Variants in ITIH5 observed in about 807,000 individuals in gnomAD.
The protein encoded by ITIH5 is inter-alpha-trypsin inhibitor heavy chain H5.
Under a neutral mutation model 77.5 loss-of-function variants are expected in ITIH5, and 65 were observed. The ratio of observed to expected loss-of-function variants is 0.84; its 90% CI spans 0.69 to 1.03. The LOEUF (loss-of-function observed/expected upper bound fraction) is 1.03, where lower values mean the gene tolerates loss of function less well. Among genes scored for constraint, ITIH5 ranks in the 50% least tolerant of loss-of-function variants. The pLI is 0.00. For synonymous variants in ITIH5, 525 were observed against 494.3 expected, an observed-to-expected ratio of 1.06 and a Z score of -0.82; for missense variants, 1,208 against 1,213.1, an observed-to-expected ratio of 1.00 and a Z score of 0.06.
At chr10:7,598,100 C>T (rs1048329391) in intron 7 of ITIH5, among the ~76,000 whole-genome samples, 12 of 152,124 alleles carry the variant, frequency 7.9e-5, no homozygotes, top group Non-Finnish European at 1.6e-4. Flanking sequence ...GTGTAAGTAA[C>T]ACTTCAGGGG....
At chr10:7,607,476 T>C (rs1487633152) in intron 7 of ITIH5, among the ~76,000 whole-genome samples, 1 of 152,162 alleles carries the variant, frequency 6.6e-6, no homozygotes, top group Non-Finnish European at 1.5e-5. Context: ...TGAGACCCTG[T>C]CTCTACAGAA....
At chr10:7,607,468 A>C (rs997501768) in intron 7 of ITIH5, among the ~76,000 whole-genome samples, 1 of 152,226 alleles carries the variant, frequency 6.6e-6, no homozygotes. Flanking sequence ...TAACATAGTG[A>C]GACCCTGTCT....
At position 7,640,209 on chromosome 10, in the gene ITIH5, T is replaced by C. The variant is rs116176509; in HGVS notation, c.401+545A>G. ...CAGGCATAGTGGCTCACACCTGTAA[T>C]CCTGTAATCCCAGTACTTTGAGAGG... On this transcript the variant is annotated intron_variant, in intron 4 of 13. Coordinates refer to ENST00000397146, the MANE Select transcript of ITIH5 (RefSeq NM_030569.7). Among the ~76,000 whole-genome samples the C allele has an allele frequency of 2.5e-3, 359 of 143,222 alleles. 1 individual carries two copies. Among genetic ancestry groups the C allele is most frequent in the African/African-American group, 8.9e-3 (342 of 38,410 alleles). The allele number at this position is 143,222 out of a possible 152,430, so 94.0% of individuals were successfully genotyped here.
intron 4 of ITIH5, 59 bp downstream of exon 4, chr10:7,640,695 T>C (rs966751061): frequency 2.7e-5 from 29 of 1,058,358 alleles, no homozygotes; most frequent in Non-Finnish European, 3.7e-5. Context: ...GGCAAAGGCA[T>C]AGAAAATGTG....
intron 5 of ITIH5, chr10:7,619,689 G>C: frequency 4.3e-6 from 1 of 230,314 alleles, no homozygotes; most frequent in Admixed American, 4.5e-5. Flanking sequence ...ACTGGGAAGC[G>C]CCGGACTTTT....
At chr10:7,625,802 A>C (rs1211920581) in intron 5 of ITIH5, among the ~76,000 whole-genome samples, 1 of 152,038 alleles carries the variant, frequency 6.6e-6, no homozygotes, top group African/African-American at 2.4e-5. Context: ...AGAAAAAGAA[A>C]AAGAAATGGC....
intron 7 of ITIH5, among the ~76,000 whole-genome samples, chr10:7,611,592 T>C (rs1833245366): frequency 6.6e-6 from 1 of 152,226 alleles, no homozygotes; most frequent in Non-Finnish European, 1.5e-5. Context: ...TTGATGGTTT[T>C]TTCATAATTT....
chr10:7,600,632 T>A, intron 7 of ITIH5: 1 of 455,646 alleles, frequency 2.2e-6, no homozygotes, highest in Non-Finnish European at 4.4e-6. Context: ...AACATCCTTC[T>A]TCAAGCTAAG....
At position 7,585,981 on chromosome 10, in the gene ITIH5, C is replaced by T. The variant is rs1228259870; in HGVS notation, c.1028G>A (p.Trp343Ter). Reference protein sequence around the residue: ...IIGFSNRIKVWKDHLISVTPD... With the variant: ...IIGFSNRIKV The stretch of plus-strand genomic sequence containing the variant: ...AGTGACTGATATCAAGTGGTCCTTC[C>T]ATACTTTGATCCGGTTGGAAAATCC... Residue 343 changes from tryptophan (W) to a stop codon, truncating the protein, a stop_gained, in exon 8 of 14, where the codon TGG becomes TAG. Transcript: ENST00000397146. LOFTEE classifies it high-confidence loss of function. 5 of 1,614,104 alleles carry T rather than the reference C, an allele frequency of 3.1e-6. No homozygotes were observed. Among genetic ancestry groups the T allele is most frequent in the Admixed American group, 1.7e-5 (1 of 60,014 alleles).
At chr10:7,632,024 C>T (rs546483843) in intron 5 of ITIH5, among the ~76,000 whole-genome samples, 35 of 151,328 alleles carry the variant, frequency 2.3e-4, no homozygotes, top group Non-Finnish European at 3.7e-4. Context: ...GTCTTGAACT[C>T]CTGACCTCAA....
At chr10:7,583,611 G>A (rs1832613017) in intron 8 of ITIH5, among the ~76,000 whole-genome samples, 1 of 152,160 alleles carries the variant, frequency 6.6e-6, no homozygotes, top group African/African-American at 2.4e-5. Flanking sequence ...CAGGGTTATA[G>A]GTATGAGCCA....
rs993741632 is a variant in ITIH5, at chr10:7,621,073, C to G, written c.653-3791G>C. On this transcript the variant is annotated intron_variant, in intron 5 of 13. Coordinates refer to ENST00000397146, the MANE Select transcript of ITIH5 (RefSeq NM_030569.7). ...CTCCGCCATTTGTGTTTTAACGAGCCCTCTGGGTGATTCCGGTTTTTGCCC... is the reference window on the plus strand; with the variant it reads ...CTCCGCCATTTGTGTTTTAACGAGCGCTCTGGGTGATTCCGGTTTTTGCCC... 1.6e-4 allele frequency: 24 copies of G among 152,176 alleles called. 1 individual carries two copies. The highest frequency in any genetic ancestry group is 5.6e-4 in the African/African-American group (23 of 41,434). The allele number at this position is 152,176 out of a possible 1,614,324, so 9.4% of individuals were successfully genotyped here.
intron 2 of ITIH5, among the ~76,000 whole-genome samples, chr10:7,650,844 G>C (rs1024888845): frequency 4.6e-5 from 7 of 152,084 alleles, no homozygotes; most frequent in Admixed American, 3.3e-4. Context: ...TTACCCCTCT[G>C]TAGACAGGAA....
chr10:7,604,710 C>T (rs866909187), intron 7 of ITIH5, among the ~76,000 whole-genome samples: 1 of 152,216 alleles, frequency 6.6e-6, no homozygotes, highest in African/African-American at 2.4e-5. Flanking sequence ...TGTATCCCAT[C>T]TTCAAGAACC....
chr10:7,586,178 C>G, intron 7 of ITIH5, 109 bp from the exon 8 acceptor site: 1 of 987,148 alleles, frequency 1.0e-6, no homozygotes, highest in Non-Finnish European at 1.5e-6. Flanking sequence ...GGTTCAAATT[C>G]AGTGTCAGCT....
chr10:7,628,250 C>T (rs1415177169), intron 5 of ITIH5, among the ~76,000 whole-genome samples: 1 of 152,222 alleles, frequency 6.6e-6, no homozygotes, highest in South Asian at 2.1e-4. Context: ...CCCAAGGAAA[C>T]TCTGTAACCA....
intron 7 of ITIH5, among the ~76,000 whole-genome samples, chr10:7,612,663 T>G (rs1261756097): frequency 2.8e-4 from 43 of 152,104 alleles, no homozygotes; most frequent in Admixed American, 2.0e-3. Context: ...GCTGTGTTTT[T>G]TTTTTTTTTT....
At chr10:7,597,184 C>T (rs1832921205) in intron 7 of ITIH5, among the ~76,000 whole-genome samples, 1 of 151,852 alleles carries the variant, frequency 6.6e-6, no homozygotes, top group African/African-American at 2.4e-5. Flanking sequence ...ATGAAATATG[C>T]CCAAGACAAG....
At position 7,644,634 on chromosome 10, in the gene ITIH5, A is replaced by T. The variant is rs927329886; in HGVS notation, c.136-2544T>A. ...ATATCACATATATATCACATATATC[A>T]CATATATATCATATATATCACATAT... On this transcript the variant is annotated intron_variant, in intron 2 of 13. Coordinates refer to ENST00000397146, the MANE Select transcript of ITIH5 (RefSeq NM_030569.7). Among the ~76,000 whole-genome samples the T allele has an allele frequency of 1.3e-3, 96 of 76,446 alleles. 2 individuals carry two copies. The highest frequency in any genetic ancestry group is 3.5e-3 in the African/African-American group (80 of 22,612). 50.2% of individuals were successfully genotyped at this position (76,446 alleles called of 152,430 possible).
Sources: gnomAD v4.1 joint callset for allele counts (sites outside exome capture counted in the v4.1 genomes callset) on GRCh38, gnomAD v4.1.1 for gene constraint, MANE v1.5 for transcripts, NCBI Gene and HGNC (gene_info 2026-07-23, HGNC 2026-07-21) for gene names.